CNTNAP4: variants seen among roughly 807,000 people sequenced by gnomAD.
CNTNAP4 encodes the protein contactin associated protein family member 4.
CNTNAP4 carries 98 observed loss-of-function variants against 148.4 expected under a neutral mutation model. The ratio of observed to expected loss-of-function variants is 0.66; its 90% CI spans 0.56 to 0.78. CNTNAP4 has a LOEUF of 0.78. Among genes scored for constraint, CNTNAP4 ranks in the 30% least tolerant of loss-of-function variants. The pLI, the probability that CNTNAP4 is intolerant of heterozygous loss-of-function variation, is 0.00. For synonymous variants in CNTNAP4, 730 were observed against 565.1 expected (o/e 1.29, Z -4.14); for missense variants, 1,935 against 1,565.6 (o/e 1.24, Z -3.98).
At chr16:76,411,218 C>G (rs917712910) in intron 3 of CNTNAP4, among the ~76,000 whole-genome samples, 9 of 151,288 alleles carry the variant, frequency 5.9e-5, no homozygotes, top group Non-Finnish European at 3.0e-5. Flanking sequence ...TTATTTTAAT[C>G]TGCTTAGAAA....
chr16:76,401,052 T>C (rs1447663354), intron 3 of CNTNAP4, among the ~76,000 whole-genome samples: 6 of 152,196 alleles, frequency 3.9e-5, no homozygotes, highest in Admixed American at 6.5e-5. Context: ...AATCTTAAAA[T>C]AGTTTTTTCT....
chr16:76,307,346 G>A (rs949655602), intron 1 of CNTNAP4, among the ~76,000 whole-genome samples: 2 of 151,754 alleles, frequency 1.3e-5, no homozygotes, highest in African/African-American at 4.8e-5. Context: ...TGTTCACTTA[G>A]TAAATCAGCA....
chr16:76,321,835 A>G (rs753408370), intron 2 of CNTNAP4, among the ~76,000 whole-genome samples: 1 of 151,522 alleles, frequency 6.6e-6, no homozygotes, highest in Non-Finnish European at 1.5e-5. Context: ...TTTTAAAATG[A>G]TAGTATTAAT....
intron 3 of CNTNAP4, among the ~76,000 whole-genome samples, chr16:76,368,922 G>C (rs2014472330): frequency 6.6e-6 from 1 of 152,056 alleles, no homozygotes; most frequent in Non-Finnish European, 1.5e-5. Flanking sequence ...GTGGTTACTG[G>C]ATTAGACAGA....
At chr16:76,459,415 ACAAAC>A (rs2080856609) in intron 8 of CNTNAP4, among the ~76,000 whole-genome samples, 1 of 151,092 alleles carries the variant, frequency 6.6e-6, no homozygotes, top group South Asian at 2.1e-4. Flanking sequence ...ATTATCTTAC[ACAAAC>A]CAAACCAGAG....
intron 12 of CNTNAP4, among the ~76,000 whole-genome samples, chr16:76,484,608 C>T (rs1597697340): frequency 6.6e-6 from 1 of 152,058 alleles, no homozygotes; most frequent in South Asian, 2.1e-4. Context: ...GGAGGTATAG[C>T]TTGAAACTCT....
chr16:76,393,564 A>C (rs2078098921), intron 3 of CNTNAP4, among the ~76,000 whole-genome samples: 1 of 152,062 alleles, frequency 6.6e-6, no homozygotes, highest in South Asian at 2.1e-4. Flanking sequence ...GAGGCCTGCA[A>C]ATGAATGGAG....
chr16:76,514,312 T>G (rs1209674313), intron 15 of CNTNAP4, among the ~76,000 whole-genome samples: 2 of 152,202 alleles, frequency 1.3e-5, no homozygotes, highest in Non-Finnish European at 2.9e-5. Flanking sequence ...AATTGGATGT[T>G]GCTCCAAAAT....
intron 1 of CNTNAP4, among the ~76,000 whole-genome samples, chr16:76,297,040 T>C (rs1959382845): frequency 1.3e-5 from 2 of 152,168 alleles, no homozygotes; most frequent in Admixed American, 6.6e-5. Context: ...TGTAAAGAAG[T>C]AACCTTTAGT....
intron 2 of CNTNAP4, among the ~76,000 whole-genome samples, chr16:76,353,286 C>T (rs1490730724): frequency 6.6e-6 from 1 of 152,236 alleles, no homozygotes; most frequent in South Asian, 2.1e-4. Flanking sequence ...AGGGATTATA[C>T]CTGAATGCAA....
intron 2 of CNTNAP4, among the ~76,000 whole-genome samples, chr16:76,324,094 G>T (rs1404912976): frequency 1.3e-5 from 2 of 152,262 alleles, no homozygotes; most frequent in Non-Finnish European, 2.9e-5. Context: ...TCAATAAGAA[G>T]GTGAGGGGAG....
intron 2 of CNTNAP4, among the ~76,000 whole-genome samples, chr16:76,347,743 T>G (rs760203640): frequency 1.3e-4 from 20 of 152,042 alleles, no homozygotes; most frequent in Admixed American, 3.3e-4. Context: ...GGAAAATGAC[T>G]GATGTTCAGT....
intron 3 of CNTNAP4, among the ~76,000 whole-genome samples, chr16:76,425,375 G>T (rs931439577): frequency 6.6e-6 from 1 of 152,068 alleles, no homozygotes; most frequent in Non-Finnish European, 1.5e-5. Context: ...TTTAAGCTCA[G>T]TCTTTCTCAA....
intron 3 of CNTNAP4, among the ~76,000 whole-genome samples, chr16:76,370,420 CTT>C (rs2014669466): frequency 1.3e-5 from 2 of 152,122 alleles, no homozygotes; most frequent in South Asian, 4.1e-4. Flanking sequence ...CAGTGGGTAT[CTT>C]TTGGGGGCTG....
At chr16:76,364,870 C>A (rs962341880) in intron 3 of CNTNAP4, among the ~76,000 whole-genome samples, 1 of 152,208 alleles carries the variant, frequency 6.6e-6, no homozygotes, top group Admixed American at 6.5e-5. Context: ...CAGAAGCTCT[C>A]TAGTTTAATT....
chr16:76,493,684 C>A (rs961563311), intron 13 of CNTNAP4, among the ~76,000 whole-genome samples: 1 of 152,068 alleles, frequency 6.6e-6, no homozygotes, highest in African/African-American at 2.4e-5. Context: ...GTATTTCAAG[C>A]AATTTTCACC....
chr16:76,366,360 A>G (rs960756040), intron 3 of CNTNAP4, among the ~76,000 whole-genome samples: 10 of 152,000 alleles, frequency 6.6e-5, no homozygotes, highest in African/African-American at 2.4e-4. Context: ...TTTAGCTCCC[A>G]CTTATAAGTA....
intron 3 of CNTNAP4, among the ~76,000 whole-genome samples, chr16:76,365,770 A>AAAAT (rs2014047109): frequency 6.6e-6 from 1 of 151,006 alleles, no homozygotes; most frequent in African/African-American, 2.4e-5. Flanking sequence ...AAAAAAAAAA[A>AAAAT]CCTAAGAGAA....
chr16:76,520,220 G>A (rs2083403206), intron 15 of CNTNAP4, among the ~76,000 whole-genome samples: 1 of 152,248 alleles, frequency 6.6e-6, no homozygotes, highest in African/African-American at 2.4e-5. Flanking sequence ...TCAACCTCCT[G>A]TATCCAGTCG....
Sources: gnomAD v4.1 joint callset for allele counts (sites outside exome capture counted in the v4.1 genomes callset) on GRCh38, gnomAD v4.1.1 for gene constraint, MANE v1.5 for transcripts, NCBI Gene and HGNC (gene_info 2026-07-23, HGNC 2026-07-21) for gene names.